Variants in ARSG observed in about 807,000 individuals in gnomAD.
ARSG encodes the protein arylsulfatase G.
Under a neutral mutation model 50.5 loss-of-function variants are expected in ARSG, and 37 were observed. That is an observed-to-expected ratio of 0.73 (90% CI 0.56 to 0.96). The LOEUF is 0.96. ARSG is among the 50% of genes least tolerant of loss of function. The probability of loss-of-function intolerance (pLI) is 0.00; values close to 1 mark genes in which losing one functional copy is unlikely to be tolerated. For synonymous variants in ARSG, 225 were observed against 254.6 expected, an observed-to-expected ratio of 0.88 and a Z score of 1.11; for missense variants, 629 against 675.3, an observed-to-expected ratio of 0.93 and a Z score of 0.76.
intron 3 of ARSG, 42 bp from the exon 4 acceptor site, chr17:68,347,082 CT>C (rs2078545239): frequency 1.2e-6 from 2 of 1,607,982 alleles, no homozygotes; most frequent in East Asian, 2.2e-5. Context: ...TGTGGTACCC[CT>C]ATGGGGATTC....
intron 6 of ARSG, among the ~76,000 whole-genome samples, chr17:68,361,251 C>A (rs946548733): frequency 6.6e-6 from 1 of 152,142 alleles, no homozygotes; most frequent in East Asian, 1.9e-4. Flanking sequence ...TAGATAAGAT[C>A]ATGAGAGTGA....
At chr17:68,368,782 A>G in intron 7 of ARSG, 38 bp downstream of exon 7, 1 of 1,601,692 alleles carries the variant, frequency 6.2e-7, no homozygotes, top group Non-Finnish European at 8.5e-7. Flanking sequence ...ACTGCCATTT[A>G]ATAGACAACC....
At chr17:68,385,327 C>G (rs1472331608) in intron 9 of ARSG, among the ~76,000 whole-genome samples, 155 bp downstream of exon 9, 1 of 151,716 alleles carries the variant, frequency 6.6e-6, no homozygotes, top group Non-Finnish European at 1.5e-5. Context: ...GCCGGGTGTT[C>G]CCAGACACTT....
intron 2 of ARSG, 54 bp downstream of exon 2, chr17:68,307,765 TGA>T: frequency 6.0e-6 from 6 of 994,158 alleles, no homozygotes; most frequent in African/African-American, 1.6e-5. Flanking sequence ...CTCCCGTTCT[TGA>T]GAGGGGAAGG....
chr17:68,445,645 C>T, the ARSG span, among the ~76,000 whole-genome samples: 6 of 152,214 alleles, frequency 3.9e-5, no homozygotes, highest in Non-Finnish European at 7.3e-5. Flanking sequence ...GAGCCTCTTC[C>T]CAATGGCTGT....
intron 1 of ARSG, among the ~76,000 whole-genome samples, chr17:68,279,404 A>G (rs1599535101): frequency 6.6e-6 from 1 of 152,246 alleles, no homozygotes; most frequent in Admixed American, 6.5e-5. Context: ...ACACAGACAC[A>G]ATGTCACTAT....
chr17:68,341,490 C>T (rs1270843114), intron 2 of ARSG, among the ~76,000 whole-genome samples: 1 of 152,208 alleles, frequency 6.6e-6, no homozygotes, highest in Admixed American at 6.5e-5. Context: ...GTGTTCATAA[C>T]AGTCCCATCT....
chr17:68,398,230 G>GT (rs2081331556), intron 10 of ARSG, among the ~76,000 whole-genome samples: 1 of 152,114 alleles, frequency 6.6e-6, no homozygotes, highest in African/African-American at 2.4e-5. Flanking sequence ...GCATGCTTAT[G>GT]TTTATACACT....
chr17:68,355,747 CTTG>C (rs1244832952), intron 5 of ARSG, among the ~76,000 whole-genome samples: 1 of 149,400 alleles, frequency 6.7e-6, no homozygotes, highest in Non-Finnish European at 1.5e-5. Context: ...TGGCCATGAG[CTTG>C]TTTTTTTTTT....
At chr17:68,438,875 C>G in the ARSG span, among the ~76,000 whole-genome samples, 1 of 152,248 alleles carries the variant, frequency 6.6e-6, no homozygotes, top group East Asian at 1.9e-4. Flanking sequence ...GCTGGGATTA[C>G]AGGCGTGAGC....
the ARSG span, chr17:68,436,371 C>T: frequency 3.1e-5 from 50 of 1,612,856 alleles, no homozygotes; most frequent in Non-Finnish European, 4.0e-5. Context: ...GCCAGGTCAC[C>T]GTCAACTTAC....
intron 2 of ARSG, among the ~76,000 whole-genome samples, chr17:68,315,382 A>G (rs1419768014): frequency 6.6e-6 from 1 of 152,090 alleles, no homozygotes; most frequent in East Asian, 1.9e-4. Context: ...TCTCTACAAA[A>G]AAATCAATAA....
rs956841733 is a variant in ARSG, at chr17:68,324,091, A to G, written c.218+16380A>G. The stretch of plus-strand genomic sequence containing the variant: ...CCATCAAAAAAAAAAAAAAAAAAAA[A>G]GTTAATCTACAGTAGAGAAAAGGCC... On this transcript the variant is annotated intron_variant, in intron 2 of 11. Coordinates refer to ENST00000621439, the MANE Select transcript of ARSG (RefSeq NM_001267727.2). Among the ~76,000 whole-genome samples the G allele has an allele frequency of 3.4e-5, 5 of 148,982 alleles. No homozygotes were observed. In the East Asian group the frequency reaches 9.8e-4, roughly 29 times the overall value.
At chr17:68,388,723 G>A (rs1176309820) in intron 9 of ARSG, among the ~76,000 whole-genome samples, 3 of 151,966 alleles carry the variant, frequency 2.0e-5, no homozygotes, top group Non-Finnish European at 4.4e-5. Context: ...TCAGGAGTTC[G>A]AGACCAGCCT....
chr17:68,432,207 C>T, the ARSG span, among the ~76,000 whole-genome samples: 1 of 152,120 alleles, frequency 6.6e-6, no homozygotes. Context: ...TTTCATACAC[C>T]ACTGGGGGTG....
At chr17:68,447,694 A>G in the ARSG span, among the ~76,000 whole-genome samples, 2 of 152,124 alleles carry the variant, frequency 1.3e-5, no homozygotes, top group Admixed American at 6.6e-5. Flanking sequence ...CTATATACTT[A>G]GAAAAAAGGG....
the ARSG span, among the ~76,000 whole-genome samples, chr17:68,430,528 T>C: frequency 6.6e-6 from 1 of 152,190 alleles, no homozygotes. Context: ...AGCTTGGGAC[T>C]GTGCCGGGCT....
intron 2 of ARSG, among the ~76,000 whole-genome samples, chr17:68,341,221 T>C (rs541162806): frequency 6.6e-6 from 1 of 152,352 alleles, no homozygotes; most frequent in African/African-American, 2.4e-5. Context: ...CTGTTTATTA[T>C]ATGATTGGAT....
intron 11 of ARSG, among the ~76,000 whole-genome samples, chr17:68,409,381 C>G (rs1429783881): frequency 6.7e-6 from 1 of 150,222 alleles, no homozygotes; most frequent in African/African-American, 2.4e-5. Context: ...AATAGGGAAT[C>G]CTTTCCCCAT....
Sources: gnomAD v4.1 joint callset for allele counts (sites outside exome capture counted in the v4.1 genomes callset) on GRCh38, gnomAD v4.1.1 for gene constraint, MANE v1.5 for transcripts, NCBI Gene and HGNC (gene_info 2026-07-23, HGNC 2026-07-21) for gene names.